Variants in HMCN1 observed in about 807,000 individuals in gnomAD.
HMCN1 encodes the protein hemicentin 1.
In HMCN1, 321 loss-of-function variants were observed where a neutral mutation model predicts 625.9. The observed-to-expected ratio is 0.51, with a 90% CI of 0.47 to 0.56. The LOEUF (loss-of-function observed/expected upper bound fraction) is 0.56. HMCN1 is among the 20% of genes least tolerant of loss of function. HMCN1 has a pLI of 0.00. For missense variants in HMCN1, 6,588 were observed against 6,887.3 expected, an observed-to-expected ratio of 0.96 and a Z score of 1.54; for synonymous variants, 2,425 against 2,417.6, an observed-to-expected ratio of 1.00 and a Z score of -0.09.
At chr1:185,896,137 G>A (rs946990653) in intron 4 of HMCN1, among the ~76,000 whole-genome samples, 1 of 151,764 alleles carries the variant, frequency 6.6e-6, no homozygotes, top group Non-Finnish European at 1.5e-5. Context: ...AGGGTTTCAC[G>A]GTGTTAGCCA....
chr1:185,768,122 C>T (rs542888273), intron 1 of HMCN1, among the ~76,000 whole-genome samples: 41 of 152,192 alleles, frequency 2.7e-4, no homozygotes, highest in African/African-American at 8.2e-4. Flanking sequence ...TATTATTATT[C>T]CTCACCATAC....
intron 72 of HMCN1, 37 bp from the exon 73 acceptor site, chr1:186,113,942 G>C: frequency 1.2e-6 from 2 of 1,612,738 alleles, no homozygotes; most frequent in Non-Finnish European, 1.7e-6. Flanking sequence ...GTATTATTTA[G>C]TCTCACTGAA....
At chr1:186,151,770 T>C in intron 95 of HMCN1, 27 bp downstream of exon 95, 1 of 1,608,854 alleles carries the variant, frequency 6.2e-7, no homozygotes, top group Non-Finnish European at 8.5e-7. Flanking sequence ...TTTAATATTC[T>C]ATTACTATAA....
intron 86 of HMCN1, among the ~76,000 whole-genome samples, chr1:186,135,072 C>T (rs1245855417): frequency 6.6e-6 from 1 of 152,140 alleles, no homozygotes; most frequent in African/African-American, 2.4e-5. Flanking sequence ...TTCAAATAAC[C>T]TTACTTATTT....
chr1:185,893,456 G>C (rs190923358), intron 4 of HMCN1, among the ~76,000 whole-genome samples: 4 of 152,126 alleles, frequency 2.6e-5, no homozygotes, highest in Admixed American at 2.6e-4. Context: ...TAAAATTTAT[G>C]GTGTTTTAAG....
At chr1:185,912,191 T>C (rs150374310) in intron 6 of HMCN1, among the ~76,000 whole-genome samples, 1 of 152,246 alleles carries the variant, frequency 6.6e-6, no homozygotes, top group African/African-American at 2.4e-5. Context: ...GAGCAGAACT[T>C]CTCTGTGCAT....
intron 1 of HMCN1, among the ~76,000 whole-genome samples, chr1:185,782,301 A>G (rs1004890738): frequency 6.6e-5 from 10 of 152,078 alleles, no homozygotes; most frequent in African/African-American, 2.2e-4. Context: ...TCTTTATCCA[A>G]TTTGCCCATC....
chr1:186,086,861 TAGATAG>T, intron 58 of HMCN1, among the ~76,000 whole-genome samples: 1 of 149,818 alleles, frequency 6.7e-6, no homozygotes, highest in Non-Finnish European at 1.5e-5. Context: ...GATAGATAGA[TAGATAG>T]ATTAGACACC....
At chr1:185,847,895 A>G (rs1386721240) in intron 2 of HMCN1, among the ~76,000 whole-genome samples, 5 of 152,136 alleles carry the variant, frequency 3.3e-5, no homozygotes, top group Middle Eastern at 6.8e-3. Context: ...CGAGGCTACA[A>G]TGAGCTATTA....
chr1:185,995,037 C>T lies in HMCN1; in HGVS notation c.3728C>T (p.Ala1243Val). The change falls in exon 24 of 107, where the codon GCT becomes GTT. Residue 1243 changes from alanine to valine, a missense_variant. Ala to Val is a moderately conservative substitution (Grantham distance 64). This residue lies in a region of HMCN1 where 4,628 missense variants were observed against 4,853.1 expected (regional missense o/e 0.95). Transcript: ENST00000271588. ...GATGCTGGCATATATACATGTGTTG[C>T]TACTAACATAGCAGGCACTGATGAA... ...PSDAGIYTCV[A>V]TNIAGTDETE... The T allele has an allele frequency of 3.1e-6, 5 of 1,613,688 alleles. No individual in the cohort carries two copies. The highest frequency in any genetic ancestry group is 4.2e-6 in the Non-Finnish European group (5 of 1,179,744).
At position 186,141,518 on chromosome 1, in the gene HMCN1, A is replaced by G. The variant is rs567546913; in HGVS notation, c.13925-2655A>G. On this transcript the variant is annotated intron_variant, in intron 89 of 106. Coordinates refer to ENST00000271588, the MANE Select transcript of HMCN1 (RefSeq NM_031935.3). ...AAACTGCAAATCTTTTTTAAGATTGATATCTTCGGTGATGGCCTGTCCTGA... is the reference window on the plus strand; with the variant it reads ...AAACTGCAAATCTTTTTTAAGATTGGTATCTTCGGTGATGGCCTGTCCTGA... 2.6e-5 allele frequency among the ~76,000 whole-genome samples: 4 copies of G among 152,298 alleles called. No individual in the cohort carries two copies. The East Asian group carries it at 5.8e-4, about 22-fold the overall frequency.
intron 1 of HMCN1, among the ~76,000 whole-genome samples, chr1:185,758,248 A>T (rs1166237006): frequency 6.6e-6 from 1 of 152,244 alleles, no homozygotes; most frequent in Admixed American, 6.5e-5. Context: ...AACTGCCAGC[A>T]TATGACTTTT....
chr1:186,062,611 A>T lies in HMCN1; in HGVS notation c.7513+11A>T. 2 of 1,588,092 alleles carry T rather than the reference A, an allele frequency of 1.3e-6. No homozygotes were observed. The highest frequency in any genetic ancestry group is 2.2e-5 in the South Asian group (2 of 90,548). ...CTTGTGAAGTGACAGGTATGGGCTC[A>T]GCTCTCAGACTTTTGGTGCTCCCCC... is the stretch of plus-strand genomic sequence containing the variant. On this transcript the variant is annotated intron_variant, in intron 48 of 106. Coordinates refer to ENST00000271588, the MANE Select transcript of HMCN1 (RefSeq NM_031935.3).
intron 4 of HMCN1, among the ~76,000 whole-genome samples, chr1:185,867,048 TAA>T (rs1242554385): frequency 1.3e-5 from 2 of 152,182 alleles, no homozygotes; most frequent in African/African-American, 2.4e-5. Context: ...CTCTTATAGC[TAA>T]AGAGTTCTTA....
chr1:186,186,037 G>A (rs535970672), intron 105 of HMCN1, among the ~76,000 whole-genome samples: 2 of 152,280 alleles, frequency 1.3e-5, no homozygotes, highest in African/African-American at 4.8e-5. Flanking sequence ...TTGTTATACA[G>A]ATTGTTATGT....
intron 1 of HMCN1, among the ~76,000 whole-genome samples, chr1:185,740,768 C>T (rs1055721966): frequency 6.6e-6 from 1 of 151,992 alleles, no homozygotes; most frequent in Non-Finnish European, 1.5e-5. Flanking sequence ...CTGAGGCAGA[C>T]AGATTACTTG....
rs572904645 is a variant in HMCN1, at chr1:186,057,940, G to A, written c.7312+539G>A. Among the ~76,000 whole-genome samples, 11 of 152,034 alleles carry A rather than the reference G, an allele frequency of 7.2e-5. No homozygotes were observed. In the South Asian group the frequency reaches 8.3e-4, roughly 11 times the overall value. On this transcript the variant is annotated intron_variant, in intron 46 of 106. Transcript: ENST00000271588. Reference sequence around the variant, plus strand: ...TTGTCATTTGTGGATCAATATAAGCGTAGAGAGAGGCAAGCTGCAGAAATC... The same window carrying A: ...TTGTCATTTGTGGATCAATATAAGCATAGAGAGAGGCAAGCTGCAGAAATC...
intron 1 of HMCN1, among the ~76,000 whole-genome samples, chr1:185,767,008 C>A (rs1286651920): frequency 1.1e-4 from 15 of 138,532 alleles, no homozygotes; most frequent in Non-Finnish European, 1.9e-4. Flanking sequence ...TCAGAGAAAT[C>A]ATTAAAAAAA....
intron 4 of HMCN1, among the ~76,000 whole-genome samples, chr1:185,892,921 C>G (rs1390856952): frequency 6.6e-6 from 1 of 152,164 alleles, no homozygotes; most frequent in Admixed American, 6.5e-5. Context: ...TCGCTGCCGC[C>G]TTGCAGTTTG....
Sources: allele counts gnomAD v4.1 joint callset (sites outside exome capture counted in the v4.1 genomes callset), GRCh38; gene constraint gnomAD v4.1.1; regional missense constraint gnomAD v4.1.1; transcripts MANE v1.5; gene names NCBI Gene and HGNC (gene_info 2026-07-23, HGNC 2026-07-21).